The following BPNT2 variants were observed in gnomAD, a reference collection of about 807,000 sequenced individuals.
BPNT2 encodes the protein 3'(2'), 5'-bisphosphate nucleotidase 2, also known as Golgi-resident adenosine 3',5'-bisphosphate 3'-phosphatase.
In BPNT2, 11 loss-of-function variants were observed where a neutral mutation model predicts 29.3. The observed-to-expected ratio is 0.38, with a 90% CI of 0.24 to 0.62. BPNT2 has a LOEUF of 0.62. Among genes scored for constraint, BPNT2 ranks in the 20% least tolerant of loss-of-function variants. The pLI, the probability that BPNT2 is intolerant of heterozygous loss-of-function variation, is 0.62. For synonymous variants in BPNT2, 195 were observed against 187.7 expected (o/e 1.04, Z -0.32); for missense variants, 459 against 473.4 (o/e 0.97, Z 0.28).
intron 2 of BPNT2, 47 bp downstream of exon 2, chr8:56,979,988 T>C: frequency 6.3e-7 from 1 of 1,585,060 alleles, no homozygotes; most frequent in Non-Finnish European, 8.7e-7. Context: ...TCTGGTTCTC[T>C]ACTACTAAAC....
Position 56,978,302 on chromosome 8 carries a change from AG to A in BPNT2, c.551-158del, listed in dbSNP as rs1420323482. ...CAAGCAAACAGAGTCTGAGGGCAAG[AG>A]CCCCTTTAAAGGAGTGGCTAACAGT... On this transcript the variant is annotated intron_variant, in intron 2 of 4. Transcript: ENST00000262644. Among the ~76,000 whole-genome samples the A allele has an allele frequency of 2.0e-5, 3 of 152,194 alleles. No homozygotes were observed. In the East Asian group the frequency reaches 5.8e-4, roughly 29 times the overall value.
In BPNT2 at chr8:56,960,648, G is replaced by T. The variant is rs1001837575; in HGVS notation, c.*3145C>A. 1.3e-5 allele frequency: 2 copies of T among 152,082 alleles called. No individual in the cohort carries two copies. The highest frequency in any genetic ancestry group is 2.9e-5 in the Non-Finnish European group (2 of 68,028). 9.4% of individuals were successfully genotyped at this position (152,082 alleles called of 1,614,324 possible). A position where few individuals can be genotyped will look rare whatever the true frequency, so the allele number is the denominator to read the frequency against. On this transcript the variant is annotated 3_prime_UTR_variant, in exon 5 of 5. Coordinates refer to ENST00000262644, the MANE Select transcript of BPNT2 (RefSeq NM_017813.5). ...GGTCCTTGTAAATTCAACTGAACTG[G>T]GGATACAAGTAGGAAAACAGTAAAA... is the stretch of plus-strand genomic sequence containing the variant.
intron 3 of BPNT2, among the ~76,000 whole-genome samples, chr8:56,970,753 T>C (rs1051378673): frequency 6.6e-6 from 1 of 152,188 alleles, no homozygotes. Context: ...ATGATCCTTA[T>C]AATTTTCTTT....
intron 3 of BPNT2, among the ~76,000 whole-genome samples, chr8:56,977,420 CAT>C (rs898854617): frequency 2.0e-5 from 3 of 152,116 alleles, no homozygotes; most frequent in South Asian, 2.1e-4. Context: ...TCTTATCCCA[CAT>C]GTGTCTATGT....
At chr8:56,967,954 T>C (rs1805976767) in intron 3 of BPNT2, among the ~76,000 whole-genome samples, 2 of 152,138 alleles carry the variant, frequency 1.3e-5, no homozygotes, top group African/African-American at 2.4e-5. Flanking sequence ...AATCCCACAA[T>C]AGCTGGCCCA....
intron 4 of BPNT2, chr8:56,964,288 G>T: frequency 2.3e-6 from 1 of 430,390 alleles, no homozygotes; most frequent in Non-Finnish European, 4.1e-6. Flanking sequence ...GTAACTTATT[G>T]TTTATTTTTA....
Position 56,993,552 on chromosome 8 carries a change from C to T in BPNT2, c.34G>A (p.Gly12Arg). 6.7e-7 allele frequency: 1 copy of T among 1,482,372 alleles called. No individual in the cohort carries two copies. Among genetic ancestry groups the T allele is most frequent in the South Asian group, 1.3e-5 (1 of 76,774 alleles). 91.8% of individuals were successfully genotyped at this position (1,482,372 alleles called of 1,614,324 possible). A position where few individuals can be genotyped will look rare whatever the true frequency, so the allele number is the denominator to read the frequency against. The change falls in exon 1 of 5, where the codon GGG becomes AGG. Residue 12 changes from glycine (G) to arginine (R), a missense_variant. Physicochemically the swap from Gly to Arg is moderately radical, Grantham distance 125. Coordinates refer to ENST00000262644, the MANE Select transcript of BPNT2 (RefSeq NM_017813.5). Reference sequence around the variant, plus strand: ...CCCAGCAGGCAAAACACTGCCACCCCCAGTGGGGAAAGGCGGATGCCCATG... The same window carrying T: ...CCCAGCAGGCAAAACACTGCCACCCTCAGTGGGGAAAGGCGGATGCCCATG... ...APMGIRLSPL[G>R]VAVFCLLGLG...
At chr8:56,964,855 A>C (rs1805913830) in intron 4 of BPNT2, among the ~76,000 whole-genome samples, 1 of 152,200 alleles carries the variant, frequency 6.6e-6, no homozygotes, top group South Asian at 2.1e-4. Flanking sequence ...TAAAGTAATA[A>C]AACAAATGCA....
chr8:56,989,825 C>T (rs1278789857), intron 1 of BPNT2, among the ~76,000 whole-genome samples: 2 of 152,166 alleles, frequency 1.3e-5, no homozygotes, highest in Non-Finnish European at 2.9e-5. Context: ...ATCTCTTCCA[C>T]AATAATTCTC....
chr8:56,966,375 A>AT, intron 3 of BPNT2, 23 bp from the exon 4 acceptor site: 1 of 1,606,438 alleles, frequency 6.2e-7, no homozygotes, highest in Non-Finnish European at 8.5e-7. Context: ...TATAATATCC[A>AT]TTAATGGCAC....
chr8:56,980,472 G>A (rs1418251555), intron 1 of BPNT2, among the ~76,000 whole-genome samples: 1 of 152,020 alleles, frequency 6.6e-6, no homozygotes, highest in African/African-American at 2.4e-5. Flanking sequence ...TAGAGAAACT[G>A]AGCATTGAAG....
At position 56,962,540 on chromosome 8, in the gene BPNT2, T is replaced by A. The variant is rs553033659; in HGVS notation, c.*1253A>T. On this transcript the variant is annotated 3_prime_UTR_variant, in exon 5 of 5. Coordinates refer to ENST00000262644, the MANE Select transcript of BPNT2 (RefSeq NM_017813.5). ...CATTGAGAGAAACCATACATCCCAA[T>A]GAAAGACAGTTCACAAAGCAAGGTT... 6.6e-6 allele frequency: 1 copy of A among 152,206 alleles called. No individual in the cohort carries two copies. Among genetic ancestry groups the A allele is most frequent in the Admixed American group, 6.5e-5 (1 of 15,284 alleles). The allele number at this position is 152,206 out of a possible 1,614,324, so 9.4% of individuals were successfully genotyped here.
chr8:56,966,494 A>G, intron 3 of BPNT2, 142 bp from the exon 4 acceptor site: 1 of 743,294 alleles, frequency 1.3e-6, no homozygotes, highest in East Asian at 2.7e-5. Flanking sequence ...CAAAACAGAA[A>G]GCTTTTTTTT....
intron 1 of BPNT2, among the ~76,000 whole-genome samples, chr8:56,985,197 G>A (rs919617792): frequency 5.3e-5 from 8 of 151,924 alleles, no homozygotes; most frequent in African/African-American, 1.7e-4. Flanking sequence ...AATTCTGTGG[G>A]TGCAAGGACA....
At position 56,993,695 on chromosome 8, in the gene BPNT2, T is replaced by C. The variant is rs1806459937; in HGVS notation, c.-110A>G. ...GGGCCAGGCGCCGCGCGGGCTACAC[T>C]GGCGCCCGCTCCCCGGCCCCGGTGC... is the stretch of plus-strand genomic sequence containing the variant. On this transcript the variant is annotated 5_prime_UTR_variant, in exon 1 of 5. Transcript: ENST00000262644. 2.9e-6 allele frequency: 3 copies of C among 1,029,690 alleles called. No individual in the cohort carries two copies. Among genetic ancestry groups the C allele is most frequent in the Non-Finnish European group, 3.5e-6 (3 of 859,724 alleles). The allele number at this position is 1,029,690 out of a possible 1,614,324, so 63.8% of individuals were successfully genotyped here.
chr8:56,974,383 AT>A (rs1022134990), intron 3 of BPNT2, among the ~76,000 whole-genome samples: 2 of 144,006 alleles, frequency 1.4e-5, no homozygotes, highest in African/African-American at 5.2e-5. Context: ...GATTCTAAGA[AT>A]TTCAAGGAAT....
chr8:56,969,804 C>T (rs1806003436), intron 3 of BPNT2, among the ~76,000 whole-genome samples: 1 of 152,100 alleles, frequency 6.6e-6, no homozygotes, highest in African/African-American at 2.4e-5. Context: ...CCACACTGAA[C>T]ATATAAAATT....
At chr8:56,977,912 C>T (rs1366556229) in intron 3 of BPNT2, 138 bp downstream of exon 3, 6 of 689,540 alleles carry the variant, frequency 8.7e-6, no homozygotes, top group Non-Finnish European at 1.6e-5. Context: ...GTTTAAGACA[C>T]ATAATTTGTG....
At chr8:56,982,764 TA>T (rs1806266157) in intron 1 of BPNT2, among the ~76,000 whole-genome samples, 1 of 152,118 alleles carries the variant, frequency 6.6e-6, no homozygotes, top group East Asian at 1.9e-4. Context: ...AAGGGGTAGA[TA>T]GTATTAAGAA....
Sources: gnomAD v4.1 joint callset for allele counts (sites outside exome capture counted in the v4.1 genomes callset) on GRCh38, gnomAD v4.1.1 for gene constraint, MANE v1.5 for transcripts, NCBI Gene and HGNC (gene_info 2026-07-23, HGNC 2026-07-21) for gene names.